Variants in MTA3 observed in about 807,000 individuals in gnomAD.
MTA3 encodes the protein metastasis-associated protein MTA3.
MTA3 carries 34 observed loss-of-function variants against 83.5 expected under a neutral mutation model. The ratio of observed to expected loss-of-function variants is 0.41; its 90% CI spans 0.31 to 0.54. The LOEUF (loss-of-function observed/expected upper bound fraction) is 0.54. Among genes scored for constraint, MTA3 ranks in the 20% least tolerant of loss-of-function variants. The pLI, the probability that MTA3 is intolerant of heterozygous loss-of-function variation, is 0.33. For synonymous variants in MTA3, 303 were observed against 252.7 expected (o/e 1.20, Z -1.89); for missense variants, 761 against 726.4 (o/e 1.05, Z -0.55).
At position 42,689,769 on chromosome 2, in the gene MTA3, G is replaced by A. The variant is rs191835156; in HGVS notation, c.892-5996G>A. Among the ~76,000 whole-genome samples the A allele has an allele frequency of 3.7e-4, 52 of 141,166 alleles. No homozygotes were observed. The East Asian group carries it at 0.01, about 28-fold the overall frequency. 92.6% of individuals were successfully genotyped at this position (141,166 alleles called of 152,430 possible). ...CTCTCGTTCCTGATACTGATAATTTGTGTCTTTTTTTTTTTTTCTTTTTTC... is the reference window on the plus strand; with the variant it reads ...CTCTCGTTCCTGATACTGATAATTTATGTCTTTTTTTTTTTTTCTTTTTTC... On this transcript the variant is annotated intron_variant, in intron 9 of 16. Coordinates refer to ENST00000405094, the MANE Select transcript of MTA3 (RefSeq NM_001330442.2).
chr2:42,504,776 C>G (rs191317212), intron 2 of MTA3, among the ~76,000 whole-genome samples: 8 of 152,038 alleles, frequency 5.3e-5, no homozygotes, highest in Admixed American at 2.0e-4. Flanking sequence ...GGATTACAGG[C>G]GTGAGCTACC....
At chr2:42,633,046 T>C (rs892184310) in intron 4 of MTA3, among the ~76,000 whole-genome samples, 12 of 151,308 alleles carry the variant, frequency 7.9e-5, no homozygotes, top group African/African-American at 2.4e-4. Flanking sequence ...GGGCGGATCA[T>C]GAGGTCAAGA....
chr2:42,573,478 C>T (rs1047557276), intron 2 of MTA3, among the ~76,000 whole-genome samples: 3 of 152,124 alleles, frequency 2.0e-5, no homozygotes, highest in African/African-American at 7.2e-5. Flanking sequence ...TTCCAAGTAG[C>T]TGAGACTACA....
At chr2:42,655,245 C>T (rs1404650646) in intron 6 of MTA3, among the ~76,000 whole-genome samples, 4 of 152,202 alleles carry the variant, frequency 2.6e-5, no homozygotes, top group Non-Finnish European at 4.4e-5. Flanking sequence ...CTTCGAAAAA[C>T]ATCTATGTAG....
chr2:42,752,221 T>G, intron 16 of MTA3: 1 of 471,470 alleles, frequency 2.1e-6, no homozygotes, highest in Non-Finnish European at 4.4e-6. Context: ...TACAGGTATC[T>G]TCCCTATCCT....
intron 3 of MTA3, among the ~76,000 whole-genome samples, chr2:42,603,291 A>C (rs1192660542): frequency 6.6e-6 from 1 of 152,088 alleles, no homozygotes; most frequent in Non-Finnish European, 1.5e-5. Flanking sequence ...ATTGTGTTTT[A>C]GGAAGCTGCT....
At chr2:42,634,146 CA>C (rs1686960865) in intron 4 of MTA3, among the ~76,000 whole-genome samples, 1 of 152,042 alleles carries the variant, frequency 6.6e-6, no homozygotes, top group African/African-American at 2.4e-5. Flanking sequence ...GCCTCCACAA[CA>C]AAAAATTATC....
At chr2:42,680,968 C>A (rs952932242) in intron 8 of MTA3, among the ~76,000 whole-genome samples, 1 of 152,090 alleles carries the variant, frequency 6.6e-6, no homozygotes, top group African/African-American at 2.4e-5. Context: ...GTCTCGAAGT[C>A]CTGGGCACCA....
At chr2:42,590,253 T>A (rs946435717) in intron 3 of MTA3, among the ~76,000 whole-genome samples, 1 of 152,112 alleles carries the variant, frequency 6.6e-6, no homozygotes, top group African/African-American at 2.4e-5. Flanking sequence ...TGGGAGATGG[T>A]TGGGTCATGG....
intron 11 of MTA3, chr2:42,703,333 G>C (rs1665760552): frequency 6.6e-6 from 1 of 152,130 alleles, no homozygotes; most frequent in South Asian, 2.1e-4. Context: ...TGTAATCGGA[G>C]TGGTCATCAT....
chr2:42,573,022 C>T (rs1422819121), intron 2 of MTA3, among the ~76,000 whole-genome samples: 1 of 152,184 alleles, frequency 6.6e-6, no homozygotes, highest in Non-Finnish European at 1.5e-5. Flanking sequence ...GCCACTGCGC[C>T]TGGCCAGGAT....
At chr2:42,507,389 T>A (rs1310182276) in intron 2 of MTA3, among the ~76,000 whole-genome samples, 1 of 151,854 alleles carries the variant, frequency 6.6e-6, no homozygotes, top group South Asian at 2.1e-4. Context: ...CCTAAGCTGG[T>A]CTCAAACTCA....
chr2:42,597,790 C>T (rs1467806927), intron 3 of MTA3, among the ~76,000 whole-genome samples: 1 of 151,430 alleles, frequency 6.6e-6, no homozygotes, highest in African/African-American at 2.4e-5. Flanking sequence ...AACTGATCCT[C>T]CTGCTTCAGC....
intron 2 of MTA3, among the ~76,000 whole-genome samples, chr2:42,545,852 C>A (rs1333990204): frequency 6.6e-6 from 1 of 152,118 alleles, no homozygotes; most frequent in African/African-American, 2.4e-5. Context: ...CCTGAGATCT[C>A]CATACTTCCT....
chr2:42,524,725 A>G (rs1675599698), intron 2 of MTA3, among the ~76,000 whole-genome samples: 1 of 151,052 alleles, frequency 6.6e-6, no homozygotes, highest in African/African-American at 2.4e-5. Context: ...GATGCTCCCA[A>G]TCTTGGGGTG....
chr2:42,730,676 T>C (rs950025219), intron 16 of MTA3, among the ~76,000 whole-genome samples: 4 of 152,244 alleles, frequency 2.6e-5, no homozygotes, highest in African/African-American at 7.2e-5. Flanking sequence ...TTTTCTGATA[T>C]GTCTTTTTCT....
At chr2:42,687,017 C>T (rs1692435773) in intron 9 of MTA3, among the ~76,000 whole-genome samples, 1 of 151,718 alleles carries the variant, frequency 6.6e-6, no homozygotes, top group South Asian at 2.1e-4. Flanking sequence ...ATACCAGCTA[C>T]TCAGGAGGCT....
intron 2 of MTA3, among the ~76,000 whole-genome samples, chr2:42,527,401 T>A (rs993987767): frequency 5.3e-5 from 8 of 152,188 alleles, no homozygotes; most frequent in African/African-American, 1.9e-4. Flanking sequence ...CACCTTCTTT[T>A]ATAGTGAAGG....
chr2:42,714,666 AC>A (rs1317719946), intron 14 of MTA3, among the ~76,000 whole-genome samples: 2 of 152,194 alleles, frequency 1.3e-5, no homozygotes, highest in African/African-American at 4.8e-5. Context: ...GTGGTCCCCA[AC>A]CTTTTTGGTA....
Sources: allele counts gnomAD v4.1 joint callset (sites outside exome capture counted in the v4.1 genomes callset), GRCh38; gene constraint gnomAD v4.1.1; transcripts MANE v1.5; gene names NCBI Gene and HGNC (gene_info 2026-07-23, HGNC 2026-07-21).